The following PTPRN2 variants were observed in gnomAD, a reference collection of about 807,000 sequenced individuals.
PTPRN2 encodes the protein receptor-type tyrosine-protein phosphatase N2.
PTPRN2 carries 74 observed loss-of-function variants against 118.8 expected under a neutral mutation model. That is an observed-to-expected ratio of 0.62 (90% CI 0.52 to 0.76). The LOEUF is 0.76. Ranked by LOEUF, PTPRN2 falls within the 30% of genes least tolerant of loss-of-function variation. PTPRN2 has a pLI of 0.00. For synonymous variants in PTPRN2, 641 were observed against 608.0 expected, an observed-to-expected ratio of 1.05 and a Z score of -0.80; for missense variants, 1,481 against 1,394.4, an observed-to-expected ratio of 1.06 and a Z score of -0.99.
chr7:158,164,492 G>C (rs1367400193), intron 6 of PTPRN2, among the ~76,000 whole-genome samples: 1 of 149,072 alleles, frequency 6.7e-6, no homozygotes, highest in Non-Finnish European at 1.5e-5. Context: ...GGCTCGCAGA[G>C]CGGGAGCGCG....
chr7:157,983,351 C>T (rs1803454324), intron 11 of PTPRN2, among the ~76,000 whole-genome samples: 1 of 151,510 alleles, frequency 6.6e-6, no homozygotes, highest in African/African-American at 2.4e-5. Context: ...GCAGGGTCCC[C>T]CCTAAACCCC....
intron 1 of PTPRN2, among the ~76,000 whole-genome samples, chr7:158,537,020 G>A (rs1006044234): frequency 1.3e-5 from 2 of 152,168 alleles, no homozygotes; most frequent in African/African-American, 4.8e-5. Flanking sequence ...TGGAGCCTCA[G>A]GATGGGATTA....
chr7:158,282,424 G>T (rs768916430), intron 3 of PTPRN2, among the ~76,000 whole-genome samples: 1 of 152,252 alleles, frequency 6.6e-6, no homozygotes, highest in Admixed American at 6.5e-5. Context: ...CGTCAGAGGT[G>T]TGTGGGTCTA....
chr7:157,952,434 G>A lies in PTPRN2; in HGVS notation c.1724-53697C>T, dbSNP rs796623938. Among the ~76,000 whole-genome samples the A allele has an allele frequency of 3.2e-4, 35 of 108,432 alleles. 1 individual carries two copies. Among genetic ancestry groups the A allele is most frequent in the Non-Finnish European group, 6.8e-4 (29 of 42,602 alleles). 71.1% of individuals were successfully genotyped at this position (108,432 alleles called of 152,430 possible). On this transcript the variant is annotated intron_variant, in intron 11 of 22. Transcript: ENST00000389418. ...GTGGGGGACACGGGGGGAGACAGGC[G>A]AGGGTGGGTAGTGTGCATGCCTGAG...
intron 11 of PTPRN2, among the ~76,000 whole-genome samples, chr7:158,004,465 C>G (rs1295310376): frequency 6.6e-6 from 1 of 152,204 alleles, no homozygotes; most frequent in African/African-American, 2.4e-5. Context: ...CATTCCTTTG[C>G]TATAAATAAC....
intron 12 of PTPRN2, among the ~76,000 whole-genome samples, chr7:157,828,790 T>C (rs1355389566): frequency 6.6e-6 from 1 of 152,200 alleles, no homozygotes; most frequent in East Asian, 1.9e-4. Flanking sequence ...CTCCCGAAAA[T>C]GCCCACTTTG....
At chr7:157,858,091 C>T (rs1016772561) in intron 12 of PTPRN2, among the ~76,000 whole-genome samples, 24 of 114,192 alleles carry the variant, frequency 2.1e-4, no homozygotes, top group South Asian at 3.0e-4. Context: ...CGTCACCACC[C>T]ACACTCCTGC....
At chr7:158,063,522 G>T (rs1810520256) in intron 11 of PTPRN2, among the ~76,000 whole-genome samples, 1 of 152,198 alleles carries the variant, frequency 6.6e-6, no homozygotes, top group Non-Finnish European at 1.5e-5. Flanking sequence ...CAACCCACTT[G>T]GGTCCCCTTT....
chr7:158,408,447 C>T (rs529965721), intron 2 of PTPRN2, among the ~76,000 whole-genome samples: 21 of 152,250 alleles, frequency 1.4e-4, no homozygotes, highest in African/African-American at 4.3e-4. Flanking sequence ...AGAAGAAAAC[C>T]GTCACCACTG....
chr7:158,454,323 G>A (rs1818305976), intron 2 of PTPRN2, among the ~76,000 whole-genome samples: 1 of 151,600 alleles, frequency 6.6e-6, no homozygotes, highest in Non-Finnish European at 1.5e-5. Flanking sequence ...AATCACTGAT[G>A]TGAGGATTGG....
intron 12 of PTPRN2, among the ~76,000 whole-genome samples, chr7:157,768,312 C>T (rs1802603549): frequency 6.6e-6 from 1 of 152,224 alleles, no homozygotes; most frequent in African/African-American, 2.4e-5. Context: ...CCGAGCAGCT[C>T]ATCTGCGTTC....
At chr7:157,754,567 T>A (rs190969696) in intron 12 of PTPRN2, among the ~76,000 whole-genome samples, 77 of 152,340 alleles carry the variant, frequency 5.1e-4, no homozygotes, top group Middle Eastern at 6.8e-3. Flanking sequence ...CGGGACTCCC[T>A]CTGCAACTCT....
chr7:158,189,342 A>G (rs1399691628), intron 5 of PTPRN2, among the ~76,000 whole-genome samples: 1 of 152,232 alleles, frequency 6.6e-6, no homozygotes, highest in Non-Finnish European at 1.5e-5. Context: ...ATTTAATAAA[A>G]TAACTGAAAC....
chr7:158,157,839 A>C (rs1585677436), intron 6 of PTPRN2, among the ~76,000 whole-genome samples: 1 of 152,318 alleles, frequency 6.6e-6, no homozygotes, highest in South Asian at 2.1e-4. Context: ...ACACACAGGA[A>C]GAAAGGCCTC....
At chr7:157,698,491 T>C (rs1239798789) in intron 12 of PTPRN2, among the ~76,000 whole-genome samples, 1 of 152,232 alleles carries the variant, frequency 6.6e-6, no homozygotes, top group Admixed American at 6.5e-5. Flanking sequence ...TCAGCAAACA[T>C]TTCTGCTTGA....
intron 2 of PTPRN2, among the ~76,000 whole-genome samples, chr7:158,452,395 C>A (rs1176039183): frequency 1.3e-5 from 2 of 152,210 alleles, no homozygotes; most frequent in African/African-American, 4.8e-5. Context: ...TCTCCCCTGC[C>A]CAGCGGGTCC....
At chr7:157,589,069 C>T (rs1800839218) in intron 17 of PTPRN2, among the ~76,000 whole-genome samples, 1 of 152,256 alleles carries the variant, frequency 6.6e-6, no homozygotes, top group African/African-American at 2.4e-5. Flanking sequence ...AGAGCATTCT[C>T]ATCTTCCCAA....
intron 3 of PTPRN2, among the ~76,000 whole-genome samples, chr7:158,240,375 A>G (rs1339753190): frequency 2.0e-5 from 3 of 152,238 alleles, no homozygotes; most frequent in African/African-American, 7.2e-5. Context: ...CAGACCTCGA[A>G]TACGACCAGG....
intron 3 of PTPRN2, among the ~76,000 whole-genome samples, chr7:158,236,157 C>G (rs373877383): frequency 1.3e-5 from 2 of 152,152 alleles, no homozygotes; most frequent in Non-Finnish European, 2.9e-5. Flanking sequence ...CATTGCTGGC[C>G]GTCATCTCTG....
Sources: allele counts gnomAD v4.1 joint callset (sites outside exome capture counted in the v4.1 genomes callset), GRCh38; gene constraint gnomAD v4.1.1; transcripts MANE v1.5; gene names NCBI Gene and HGNC (gene_info 2026-07-23, HGNC 2026-07-21).